Variants in NCOA6 observed in about 807,000 individuals in gnomAD.
The protein encoded by NCOA6 is nuclear receptor coactivator 6.
A neutral mutation model predicts 171.4 loss-of-function variants in NCOA6; 49 were observed. The observed-to-expected ratio is 0.29, with a 90% CI of 0.23 to 0.36. The LOEUF (loss-of-function observed/expected upper bound fraction) is 0.36, where lower values mean the gene tolerates loss of function less well. NCOA6 is among the 10% of genes least tolerant of loss of function. NCOA6 has a pLI of 1.00. For synonymous variants in NCOA6, 910 were observed against 927.5 expected (o/e 0.98, Z 0.34); for missense variants, 2,248 against 2,554.5 (o/e 0.88, Z 2.59).
In NCOA6 at chr20:34,741,667, A is replaced by G. The variant is rs2076148554; in HGVS notation, c.4589T>C (p.Val1530Ala). The G allele has an allele frequency of 1.2e-6, 2 of 1,614,080 alleles. No individual in the cohort carries two copies. The highest frequency in any genetic ancestry group is 1.3e-5 in the African/African-American group (1 of 74,926). ...VSGEDLKKASVIPTLQDLSSS... is the reference protein window; with the variant it reads ...VSGEDLKKASAIPTLQDLSSS... ...AGACAGATCCTGCAGTGTGGGAATG[A>G]CAGATGCTTTTTTGAGGTCCTCCCC... Residue 1530 changes from valine (V) to alanine (A), a missense_variant, in exon 11 of 15, where the codon GTC becomes GCC. Around this residue, in one of 7 missense-constraint regions of NCOA6, gnomAD observed 884 missense variants for 941.9 expected, o/e 0.94. Coordinates refer to ENST00000359003, the MANE Select transcript of NCOA6 (RefSeq NM_014071.5).
chr20:34,746,556 C>T (rs992607964), intron 10 of NCOA6, among the ~76,000 whole-genome samples: 3 of 152,022 alleles, frequency 2.0e-5, no homozygotes, highest in African/African-American at 4.8e-5. Flanking sequence ...CATTTCAGTC[C>T]GATTTTATGA....
intron 1 of NCOA6, among the ~76,000 whole-genome samples, chr20:34,814,556 G>T (rs1264575717): frequency 1.3e-5 from 2 of 152,128 alleles, no homozygotes; most frequent in Non-Finnish European, 2.9e-5. Context: ...ATATGAAAAT[G>T]ACTCAGAAGT....
intron 1 of NCOA6, among the ~76,000 whole-genome samples, chr20:34,824,049 A>G (rs1036518020): frequency 2.0e-5 from 3 of 152,214 alleles, no homozygotes; most frequent in African/African-American, 7.2e-5. Flanking sequence ...ACAATTAGAG[A>G]TGAACCAGGA....
chr20:34,812,570 A>G (rs2146643310), intron 1 of NCOA6, among the ~76,000 whole-genome samples: 1 of 152,314 alleles, frequency 6.6e-6, no homozygotes, highest in South Asian at 2.1e-4. Context: ...ACTCATCCCA[A>G]CACATATTAT....
At chr20:34,753,529 C>T (rs747888891) in intron 8 of NCOA6, among the ~76,000 whole-genome samples, 13 of 151,812 alleles carry the variant, frequency 8.6e-5, no homozygotes, top group Non-Finnish European at 1.6e-4. Flanking sequence ...GGCATGGTGG[C>T]GGGCACCTGT....
intron 8 of NCOA6, among the ~76,000 whole-genome samples, chr20:34,753,434 G>A (rs1426318029): frequency 6.6e-6 from 1 of 151,910 alleles, no homozygotes; most frequent in Non-Finnish European, 1.5e-5. Context: ...GGCCAAGGCA[G>A]GTGGATCATG....
chr20:34,787,208 A>G (rs147564160), intron 2 of NCOA6, among the ~76,000 whole-genome samples: 1 of 152,092 alleles, frequency 6.6e-6, no homozygotes, highest in African/African-American at 2.4e-5. Context: ...GTCTCCAGAC[A>G]GCAGCCACAG....
Position 34,746,895 on chromosome 20 carries a change from C to A in NCOA6, c.2826G>T (p.Glu942Asp). The A allele has an allele frequency of 6.3e-7, 1 of 1,594,802 alleles. No individual in the cohort carries two copies. The highest frequency in any genetic ancestry group is 8.6e-7 in the Non-Finnish European group (1 of 1,169,092). Reference protein sequence around the residue: ...TPDTRPAGLEEADQPPLPGEQ... With the variant: ...TPDTRPAGLEDADQPPLPGEQ... ...CTCCAGGCAACGGTGGCTGATCAGC[C>A]TCTTCCAGACCAGCTGGGCGAGTAT... Residue 942 changes from glutamate (E) to aspartate (D), a missense_variant, in exon 10 of 15, where the codon GAG (glutamate) becomes GAT (aspartate). By Grantham distance (45) the Glu-to-Asp change is conservative. This residue lies in a region of NCOA6 where 352 missense variants were observed against 419.1 expected (regional missense o/e 0.84). Transcript: ENST00000359003.
chr20:34,760,741 AATTT>A (rs1172714067), intron 5 of NCOA6, among the ~76,000 whole-genome samples: 1 of 152,124 alleles, frequency 6.6e-6, no homozygotes, highest in African/African-American at 2.4e-5. Context: ...CCAACACTAA[AATTT>A]ATTAGCATAG....
At chr20:34,758,720 A>G in intron 6 of NCOA6, 85 bp downstream of exon 6, 2 of 1,527,472 alleles carry the variant, frequency 1.3e-6, no homozygotes, top group Non-Finnish European at 1.8e-6. Flanking sequence ...GAAATTAGAA[A>G]TTCAGCATCA....
intron 5 of NCOA6, 77 bp from the exon 6 acceptor site, chr20:34,759,010 G>T: frequency 2.1e-6 from 3 of 1,413,150 alleles, no homozygotes; most frequent in Non-Finnish European, 2.9e-6. Context: ...TCAAGAATAT[G>T]AAAAGATATG....
At chr20:34,779,564 A>T (rs1369763601) in intron 3 of NCOA6, among the ~76,000 whole-genome samples, 1 of 152,154 alleles carries the variant, frequency 6.6e-6, no homozygotes, top group African/African-American at 2.4e-5. Flanking sequence ...CAGGCAAAAC[A>T]ATTTTCTCTT....
chr20:34,729,920 G>A, intron 13 of NCOA6, among the ~76,000 whole-genome samples: 1 of 152,164 alleles, frequency 6.6e-6, no homozygotes, highest in South Asian at 2.1e-4. Context: ...GCCAAGGTAA[G>A]TCAAGGAGAG....
chr20:34,756,234 T>C (rs1404706030), intron 7 of NCOA6, among the ~76,000 whole-genome samples: 2 of 152,220 alleles, frequency 1.3e-5, no homozygotes, highest in Non-Finnish European at 2.9e-5. Flanking sequence ...AATTTGGAGC[T>C]GAAACATCCT....
intron 14 of NCOA6, among the ~76,000 whole-genome samples, chr20:34,720,207 A>G (rs1369031687): frequency 1.3e-5 from 2 of 152,260 alleles, no homozygotes; most frequent in African/African-American, 4.8e-5. Flanking sequence ...AGCAAGCTAG[A>G]AAAATCATTT....
intron 8 of NCOA6, among the ~76,000 whole-genome samples, chr20:34,751,364 A>G (rs867128258): frequency 9.0e-5 from 10 of 110,810 alleles, no homozygotes; most frequent in Middle Eastern, 4.2e-3. Context: ...GCGACAGAGC[A>G]AGACTCCGTC....
chr20:34,802,890 A>G (rs1012227615), intron 1 of NCOA6, among the ~76,000 whole-genome samples: 3 of 152,066 alleles, frequency 2.0e-5, no homozygotes, highest in African/African-American at 7.2e-5. Context: ...TCCCAGCTCA[A>G]TGCAGCCAAG....
At chr20:34,726,119 C>T (rs1989930502) in intron 14 of NCOA6, among the ~76,000 whole-genome samples, 1 of 151,820 alleles carries the variant, frequency 6.6e-6, no homozygotes, top group Non-Finnish European at 1.5e-5. Flanking sequence ...GTCACAGAAC[C>T]CAAGGGAAAA....
intron 9 of NCOA6, among the ~76,000 whole-genome samples, chr20:34,747,821 A>C (rs1192688949): frequency 6.6e-6 from 1 of 152,216 alleles, no homozygotes; most frequent in Non-Finnish European, 1.5e-5. Context: ...GCTCCTTGTA[A>C]GACTTCTCTC....
Sources: gnomAD v4.1 joint callset for allele counts (sites outside exome capture counted in the v4.1 genomes callset) on GRCh38, gnomAD v4.1.1 for gene constraint, gnomAD v4.1.1 regional missense constraint, MANE v1.5 for transcripts, NCBI Gene and HGNC (gene_info 2026-07-23, HGNC 2026-07-21) for gene names.